PEPD: variants seen among roughly 807,000 people sequenced by gnomAD.
PEPD encodes the protein xaa-Pro dipeptidase.
Under a neutral mutation model 60.7 loss-of-function variants are expected in PEPD, and 53 were observed. The ratio of observed to expected loss-of-function variants is 0.87; its 90% CI spans 0.70 to 1.10. The LOEUF (loss-of-function observed/expected upper bound fraction) is 1.10. PEPD is among the 50% of genes least tolerant of loss of function. The pLI is 0.00. For synonymous variants in PEPD, 267 were observed against 284.1 expected, an observed-to-expected ratio of 0.94 and a Z score of 0.60; for missense variants, 711 against 711.9, an observed-to-expected ratio of 1.00 and a Z score of 0.01.
At chr19:33,432,680 A>C (rs573784623) in intron 9 of PEPD, among the ~76,000 whole-genome samples, 3 of 152,398 alleles carry the variant, frequency 2.0e-5, no homozygotes, top group East Asian at 3.9e-4. Context: ...AGGTATGGGC[A>C]AATCACCTAG....
At chr19:33,402,164 C>A (rs963510870) in intron 11 of PEPD, among the ~76,000 whole-genome samples, 2 of 152,174 alleles carry the variant, frequency 1.3e-5, no homozygotes, top group Non-Finnish European at 2.9e-5. Context: ...GCAGATGACA[C>A]CCACCCCTGT....
At chr19:33,410,269 T>C (rs1238397553) in intron 11 of PEPD, among the ~76,000 whole-genome samples, 3 of 152,244 alleles carry the variant, frequency 2.0e-5, no homozygotes, top group Non-Finnish European at 4.4e-5. Flanking sequence ...CCTGCCAGCA[T>C]GGCCTGAGCT....
intron 9 of PEPD, among the ~76,000 whole-genome samples, chr19:33,414,137 G>C (rs1968839314): frequency 6.6e-6 from 1 of 152,232 alleles, no homozygotes; most frequent in African/African-American, 2.4e-5. Context: ...GCTATGGGCA[G>C]AAGGGGCAAG....
At chr19:33,401,623 G>T in intron 12 of PEPD, 98 bp downstream of exon 12, 1 of 1,154,570 alleles carries the variant, frequency 8.7e-7, no homozygotes, top group Non-Finnish European at 1.3e-6. Flanking sequence ...GCAGATTCAA[G>T]TCACACAATG....
intron 9 of PEPD, among the ~76,000 whole-genome samples, chr19:33,431,772 C>T (rs1358734604): frequency 6.6e-6 from 1 of 152,150 alleles, no homozygotes; most frequent in East Asian, 1.9e-4. Context: ...GCAGGTGGAT[C>T]ACCTGAGGTC....
intron 9 of PEPD, among the ~76,000 whole-genome samples, chr19:33,420,476 G>A (rs925733421): frequency 6.6e-6 from 1 of 152,134 alleles, no homozygotes. Flanking sequence ...GCCAAGGTGC[G>A]TGAATCACCT....
intron 9 of PEPD, among the ~76,000 whole-genome samples, chr19:33,420,475 C>T (rs34016188): frequency 0.12 from 18,931 of 152,026 alleles, 1,591 homozygotes; most frequent in Non-Finnish European, 0.19. Context: ...GGCCAAGGTG[C>T]GTGAATCACC....
At chr19:33,476,857 G>T (rs531887055) in intron 7 of PEPD, among the ~76,000 whole-genome samples, 2 of 151,966 alleles carry the variant, frequency 1.3e-5, no homozygotes, top group African/African-American at 4.8e-5. Context: ...TAGAGACGGG[G>T]TTTCACTGTG....
At chr19:33,510,094 A>ACGG (rs1239696347) in intron 3 of PEPD, among the ~76,000 whole-genome samples, 4 of 152,232 alleles carry the variant, frequency 2.6e-5, no homozygotes, top group Non-Finnish European at 1.5e-5. Context: ...TGCAGGAGTG[A>ACGG]CGGCCTCGCA....
In PEPD at chr19:33,521,040, A is replaced by G. The variant is rs1013841392; in HGVS notation, c.17+704T>C. On this transcript the variant is annotated intron_variant, in intron 1 of 14. Transcript: ENST00000244137. ...TGGGCTCAGATGCTCCCTATCTGGG[A>G]GATTCCGCCCAACGCTCTGGTGAAC... Among the ~76,000 whole-genome samples, 6 of 152,146 alleles carry G rather than the reference A, an allele frequency of 3.9e-5. 1 individual carries two copies. The highest frequency in any genetic ancestry group is 3.9e-4 in the Admixed American group (6 of 15,272).
At chr19:33,416,479 G>A (rs1968894242) in intron 9 of PEPD, among the ~76,000 whole-genome samples, 1 of 152,162 alleles carries the variant, frequency 6.6e-6, no homozygotes, top group African/African-American at 2.4e-5. Flanking sequence ...ATAAATTTAT[G>A]ACTCACATCG....
intron 12 of PEPD, among the ~76,000 whole-genome samples, chr19:33,391,821 G>C (rs952525116): frequency 3.3e-5 from 5 of 152,198 alleles, no homozygotes; most frequent in African/African-American, 1.2e-4. Flanking sequence ...TCTGGGCCCA[G>C]GGAAACCTAG....
chr19:33,407,414 A>G (rs1013156381), intron 11 of PEPD, among the ~76,000 whole-genome samples: 2 of 152,118 alleles, frequency 1.3e-5, no homozygotes, highest in Non-Finnish European at 2.9e-5. Flanking sequence ...TTGTGGAAGG[A>G]GGGGGCAGCA....
intron 9 of PEPD, among the ~76,000 whole-genome samples, chr19:33,420,012 G>C (rs996693225): frequency 2.0e-5 from 3 of 152,222 alleles, no homozygotes; most frequent in African/African-American, 7.2e-5. Flanking sequence ...CCTTATCAAG[G>C]CACAAGATAA....
Position 33,448,777 on chromosome 19 carries a change from T to A in PEPD, c.671+14218A>T, listed in dbSNP as rs114946530. ...CACCACGCTGCTGCTCTGTGGAAATTCCAGCCCACGGTTACCAGCTACTCT... is the reference window on the plus strand; with the variant it reads ...CACCACGCTGCTGCTCTGTGGAAATACCAGCCCACGGTTACCAGCTACTCT... On this transcript the variant is annotated intron_variant, in intron 9 of 14. Transcript: ENST00000244137. Among the ~76,000 whole-genome samples, 995 of 152,242 alleles carry A rather than the reference T, an allele frequency of 6.5e-3. 11 individuals are homozygous for A. The highest frequency in any genetic ancestry group is 0.022 in the African/African-American group (933 of 41,536).
chr19:33,420,068 G>A (rs1436918022), intron 9 of PEPD, among the ~76,000 whole-genome samples: 2 of 152,250 alleles, frequency 1.3e-5, no homozygotes, highest in Non-Finnish European at 2.9e-5. Context: ...TGCCTATCTT[G>A]TATTAAGCAT....
At chr19:33,391,943 G>A (rs1968232878) in intron 12 of PEPD, among the ~76,000 whole-genome samples, 3 of 152,204 alleles carry the variant, frequency 2.0e-5, no homozygotes, top group South Asian at 2.1e-4. Context: ...TCAGAGCTCC[G>A]ATGGGGTTTT....
intron 11 of PEPD, among the ~76,000 whole-genome samples, chr19:33,406,895 C>T (rs1464017947): frequency 6.6e-6 from 1 of 152,154 alleles, no homozygotes; most frequent in Non-Finnish European, 1.5e-5. Context: ...AGTGTGAGGG[C>T]TGGGACAGGT....
At chr19:33,434,682 C>T (rs11084734) in intron 9 of PEPD, among the ~76,000 whole-genome samples, 34,773 of 151,940 alleles carry the variant, frequency 0.23, 4,567 homozygotes, top group Non-Finnish European at 0.3. Context: ...CAGTAAAACC[C>T]AACCCCATTT....
Sources: gnomAD v4.1 joint callset for allele counts (sites outside exome capture counted in the v4.1 genomes callset) on GRCh38, gnomAD v4.1.1 for gene constraint, MANE v1.5 for transcripts, NCBI Gene and HGNC (gene_info 2026-07-23, HGNC 2026-07-21) for gene names.